Variants in CNGB3 observed in about 807,000 individuals in gnomAD.
CNGB3 encodes the protein cyclic nucleotide gated channel subunit beta 3, also known as cyclic nucleotide-gated channel beta-3.
CNGB3 carries 86 observed loss-of-function variants against 92.8 expected under a neutral mutation model. That is an observed-to-expected ratio of 0.93 (90% CI 0.78 to 1.11). CNGB3 has a LOEUF of 1.11. CNGB3 is among the 50% of genes least tolerant of loss of function. The pLI, the probability that CNGB3 is intolerant of heterozygous loss-of-function variation, is 0.00. For missense variants in CNGB3, 1,026 were observed against 956.8 expected (o/e 1.07, Z -0.95); for synonymous variants, 333 against 332.7 (o/e 1.00, Z -0.01).
chr8:86,616,022 C>T (rs1276743502), intron 13 of CNGB3, among the ~76,000 whole-genome samples: 5 of 152,110 alleles, frequency 3.3e-5, no homozygotes, highest in Admixed American at 6.6e-5. Context: ...TGAAGGAAGT[C>T]GGATCAATGG....
chr8:86,590,959 C>G (rs1822018969), intron 15 of CNGB3, among the ~76,000 whole-genome samples: 1 of 151,870 alleles, frequency 6.6e-6, no homozygotes. Context: ...CCATTCTCCC[C>G]ATCACTTTCA....
chr8:86,589,404 T>A (rs1160007908), intron 15 of CNGB3, among the ~76,000 whole-genome samples: 5 of 150,872 alleles, frequency 3.3e-5, no homozygotes, highest in Non-Finnish European at 7.4e-5. Context: ...TTGCTCTTGC[T>A]TCTCTAGTTC....
intron 3 of CNGB3, among the ~76,000 whole-genome samples, chr8:86,714,784 C>T (rs550509221): frequency 6.6e-6 from 1 of 152,150 alleles, no homozygotes; most frequent in Non-Finnish European, 1.5e-5. Context: ...TGGAAATAGA[C>T]TCAGTGCTAC....
chr8:86,656,446 C>A (rs1188962972), intron 6 of CNGB3, among the ~76,000 whole-genome samples: 2 of 152,178 alleles, frequency 1.3e-5, no homozygotes, highest in Non-Finnish European at 2.9e-5. Flanking sequence ...AATCTATCTT[C>A]TTTAGAGCAG....
intron 7 of CNGB3, among the ~76,000 whole-genome samples, chr8:86,649,648 T>A (rs1247344194): frequency 2.6e-5 from 4 of 151,514 alleles, no homozygotes. Context: ...AGAAATCAAC[T>A]CAAGATAAAT....
chr8:86,581,493 T>G (rs543673938), intron 15 of CNGB3, among the ~76,000 whole-genome samples: 1 of 152,218 alleles, frequency 6.6e-6, no homozygotes, highest in South Asian at 2.1e-4. Context: ...CATTGTGAAA[T>G]ATACCCAGAG....
rs1823752219 is a variant in CNGB3 at position 86,666,990 on chromosome 8, T to C, written c.787A>G (p.Ile263Val). The change falls in exon 6 of 18, where the codon ATC becomes GTC. Residue 263 changes from isoleucine (I) to valine (V), a missense_variant. Physicochemically the swap from Ile to Val is conservative, Grantham distance 29 (BLOSUM62 3). Coordinates refer to ENST00000320005, the MANE Select transcript of CNGB3 (RefSeq NM_019098.5). ...WLIADIICDI[I>V]YLYDMLFIQP... ...ATAAATAGCATATCATAAAGGTAGA[T>C]GATATCACATATGATGTCCGCAATA... 2 of 1,613,812 alleles carry C rather than the reference T, an allele frequency of 1.2e-6. No individual in the cohort carries two copies. The highest frequency in any genetic ancestry group is 1.3e-5 in the African/African-American group (1 of 75,036).
chr8:86,726,609 T>C lies in CNGB3; in HGVS notation c.260A>G (p.Asp87Gly), dbSNP rs1165080500. 2 of 1,613,726 alleles carry C rather than the reference T, an allele frequency of 1.2e-6. No individual in the cohort carries two copies. The highest frequency in any genetic ancestry group is 2.7e-5 in the African/African-American group (2 of 74,882). ...NSSGDLTTNP[D>G]PQNAAEPTGT... Reference sequence around the variant, plus strand: ...AGTTGGTTCTGCTGCATTTTGAGGGTCAGGGTTTGTGGTCAGATCTCCAGA... The same window carrying C: ...AGTTGGTTCTGCTGCATTTTGAGGGCCAGGGTTTGTGGTCAGATCTCCAGA... The change falls in exon 3 of 18, where the codon GAC (aspartate) becomes GGC (glycine). Residue 87 changes from aspartate to glycine, a missense_variant. Coordinates refer to ENST00000320005, the MANE Select transcript of CNGB3 (RefSeq NM_019098.5).
intron 14 of CNGB3, among the ~76,000 whole-genome samples, chr8:86,610,527 G>A (rs560269067): frequency 8.6e-5 from 13 of 151,458 alleles, no homozygotes; most frequent in South Asian, 6.2e-4. Flanking sequence ...AAATCTTACC[G>A]TAACCAGGAA....
chr8:86,626,283 T>A (rs1332592769), intron 12 of CNGB3, among the ~76,000 whole-genome samples: 59 of 152,336 alleles, frequency 3.9e-4, no homozygotes, highest in Admixed American at 1.8e-3. Flanking sequence ...GCTTATGCAA[T>A]AAAAGAAGTA....
At chr8:86,659,617 ACG>A (rs1823591601) in intron 6 of CNGB3, 1 of 527,242 alleles carries the variant, frequency 1.9e-6, no homozygotes, top group African/African-American at 2.0e-5. Context: ...ACTCTCCCAC[ACG>A]CGCCAGGAAT....
chr8:86,700,061 T>C (rs1268334579), intron 3 of CNGB3, among the ~76,000 whole-genome samples: 1 of 152,212 alleles, frequency 6.6e-6, no homozygotes, highest in Non-Finnish European at 1.5e-5. Flanking sequence ...ACAAAGATGC[T>C]AAATTGTTAT....
chr8:86,684,290 A>G (rs934034595), intron 3 of CNGB3, among the ~76,000 whole-genome samples: 2 of 152,174 alleles, frequency 1.3e-5, no homozygotes, highest in Admixed American at 6.5e-5. Flanking sequence ...TATAACCACA[A>G]TGAGCTATAA....
chr8:86,664,360 C>A (rs537455758), intron 6 of CNGB3, among the ~76,000 whole-genome samples: 1 of 152,318 alleles, frequency 6.6e-6, no homozygotes, highest in South Asian at 2.1e-4. Context: ...ACCTAACTGT[C>A]TTCTTCAAAA....
intron 6 of CNGB3, 117 bp from the exon 7 acceptor site, chr8:86,654,179 A>T: frequency 1.4e-6 from 1 of 732,446 alleles, no homozygotes; most frequent in Non-Finnish European, 2.4e-6. Flanking sequence ...GCCAATAAAC[A>T]TCCTCCATAT....
intron 15 of CNGB3, among the ~76,000 whole-genome samples, chr8:86,591,920 C>T (rs370430612): frequency 2.6e-5 from 4 of 152,224 alleles, no homozygotes; most frequent in African/African-American, 7.2e-5. Flanking sequence ...TGGGCAATGG[C>T]GGGCGCCCCT....
intron 3 of CNGB3, among the ~76,000 whole-genome samples, chr8:86,708,888 G>A (rs1824699471): frequency 6.6e-6 from 1 of 152,138 alleles, no homozygotes; most frequent in African/African-American, 2.4e-5. Flanking sequence ...GGCTGAAACA[G>A]ATTCAGAAGA....
In CNGB3 at chr8:86,737,586, A is replaced by G. The variant is rs761970222; in HGVS notation, c.211+2069T>C. 3.9e-4 allele frequency among the ~76,000 whole-genome samples: 60 copies of G among 152,166 alleles called. 1 individual carries two copies. The highest frequency in any genetic ancestry group is 6.8e-4 in the Non-Finnish European group (46 of 68,012). On this transcript the variant is annotated intron_variant, in intron 2 of 17. Coordinates refer to ENST00000320005, the MANE Select transcript of CNGB3 (RefSeq NM_019098.5). The stretch of plus-strand genomic sequence containing the variant: ...GAATTTGGAATTATTTAAAAATTAA[A>G]AACGTAAAAAACCTTTTAGGTTCAG...
chr8:86,682,541 G>T (rs561166176), intron 3 of CNGB3, among the ~76,000 whole-genome samples: 1 of 152,266 alleles, frequency 6.6e-6, no homozygotes, highest in African/African-American at 2.4e-5. Context: ...TCATTGCCTC[G>T]ATAGCAGGAT....
Sources: allele counts gnomAD v4.1 joint callset (sites outside exome capture counted in the v4.1 genomes callset), GRCh38; gene constraint gnomAD v4.1.1; transcripts MANE v1.5; gene names NCBI Gene and HGNC (gene_info 2026-07-23, HGNC 2026-07-21).